The following FLT3 variants were observed in gnomAD, a reference collection of about 807,000 sequenced individuals.
FLT3 encodes fms related receptor tyrosine kinase 3, also known as receptor-type tyrosine-protein kinase FLT3.
Under a neutral mutation model 126.6 loss-of-function variants are expected in FLT3, and 46 were observed. That is an observed-to-expected ratio of 0.36 (90% CI 0.29 to 0.46). The LOEUF is 0.46. Ranked by LOEUF, FLT3 falls within the 20% of genes least tolerant of loss-of-function variation. FLT3 has a pLI of 1.00. For synonymous variants in FLT3, 404 were observed against 434.4 expected, an observed-to-expected ratio of 0.93 and a Z score of 0.87; for missense variants, 1,069 against 1,190.3, an observed-to-expected ratio of 0.90 and a Z score of 1.50.
intron 1 of FLT3, among the ~76,000 whole-genome samples, chr13:28,075,242 G>A (rs1349586929): frequency 6.6e-6 from 1 of 152,076 alleles, no homozygotes; most frequent in Non-Finnish European, 1.5e-5. Flanking sequence ...GATTAGTGAT[G>A]TTGAACATTT....
intron 19 of FLT3, among the ~76,000 whole-genome samples, chr13:28,020,885 G>A (rs1011189589): frequency 6.6e-6 from 1 of 152,066 alleles, no homozygotes; most frequent in Non-Finnish European, 1.5e-5. Context: ...ACAGTGACAC[G>A]CATGATTCAA....
intron 10 of FLT3, among the ~76,000 whole-genome samples, chr13:28,036,730 C>T (rs1384348135): frequency 2.0e-5 from 3 of 152,300 alleles, no homozygotes; most frequent in Admixed American, 1.3e-4. Flanking sequence ...GTAATCCTAG[C>T]ACTTTGGGAG....
At chr13:28,068,332 G>A (rs1877209600) in intron 2 of FLT3, 1 of 152,268 alleles carries the variant, frequency 6.6e-6, no homozygotes, top group African/African-American at 2.4e-5. Context: ...AATAGTTGGT[G>A]ATATGGTTTG....
chr13:28,053,152 T>C (rs1172705338), intron 4 of FLT3, among the ~76,000 whole-genome samples: 1 of 133,652 alleles, frequency 7.5e-6, no homozygotes, highest in Non-Finnish European at 1.6e-5. Flanking sequence ...GAGGTTTAGT[T>C]GAGCCTCCCA....
At chr13:28,073,373 T>G (rs1877700042) in intron 1 of FLT3, 1 of 418,682 alleles carries the variant, frequency 2.4e-6, no homozygotes, top group Non-Finnish European at 4.7e-6. Context: ...AAAAAAAGCA[T>G]TTTTTACTGT....
At chr13:28,015,014 A>C in intron 22 of FLT3, 143 bp downstream of exon 22, 1 of 609,018 alleles carries the variant, frequency 1.6e-6, no homozygotes, top group Non-Finnish European at 2.9e-6. Context: ...TGGCCAACAC[A>C]GCAAGACCTC....
intron 9 of FLT3, 48 bp downstream of exon 9, chr13:28,048,227 A>C: frequency 4.2e-5 from 61 of 1,466,072 alleles, no homozygotes; most frequent in Non-Finnish European, 5.4e-5. Context: ...GCGACAAGCA[A>C]GGAGAATTAT....
intron 9 of FLT3, among the ~76,000 whole-genome samples, chr13:28,045,198 C>T (rs1347871333): frequency 6.6e-6 from 1 of 152,144 alleles, no homozygotes; most frequent in Non-Finnish European, 1.5e-5. Flanking sequence ...GTGACATGGT[C>T]CCCAACTGGC....
At position 28,015,649 on chromosome 13, in the gene FLT3, T is replaced by A. The variant is rs759638195; in HGVS notation, c.2594A>T (p.Tyr865Phe). The A allele has an allele frequency of 1.9e-6, 3 of 1,613,670 alleles. No individual in the cohort carries two copies. In the South Asian group the frequency reaches 3.3e-5, roughly 18 times the overall value. ...TGACCAGACATCACTCTTAATGGTG[T>A]AGATGCCTTCAAACAGGCTTTCGGG... Reference protein sequence around the residue: ...MAPESLFEGIYTIKSDVWSYG... With the variant: ...MAPESLFEGIFTIKSDVWSYG... Residue 865 changes from tyrosine to phenylalanine, a missense_variant, in exon 21 of 24, where the codon TAC becomes TTC. Physicochemically the swap from Tyr to Phe is conservative, Grantham distance 22. Coordinates refer to ENST00000241453, the MANE Select transcript of FLT3 (RefSeq NM_004119.3).
At chr13:28,011,707 T>TCCCTCCTCCTTCCTTCC (rs1395154262) in intron 23 of FLT3, among the ~76,000 whole-genome samples, 6 of 53,214 alleles carry the variant, frequency 1.1e-4, no homozygotes, top group Middle Eastern at 0.012. Flanking sequence ...TTCTTTCTCT[T>TCCCTCCTCCTTCCTTCC]TTTCTCTTTC....
At chr13:28,063,780 C>A (rs1484408188) in intron 2 of FLT3, among the ~76,000 whole-genome samples, 1 of 151,120 alleles carries the variant, frequency 6.6e-6, no homozygotes, top group Non-Finnish European at 1.5e-5. Context: ...GAGTTTGAGT[C>A]TCCTAGGAAT....
intron 16 of FLT3, among the ~76,000 whole-genome samples, chr13:28,027,675 TGCTGCAGAAAGAATGAAC>T (rs1566066251): frequency 1.3e-5 from 2 of 152,222 alleles, no homozygotes; most frequent in Non-Finnish European, 2.9e-5. Context: ...CCAGGCCTGC[TGCTGCAGAAAGAATGAAC>T]CTTGGGCACA....
intron 9 of FLT3, among the ~76,000 whole-genome samples, chr13:28,038,109 C>T (rs2504234): frequency 0.73 from 110,464 of 152,120 alleles, 41,333 homozygotes; most frequent in East Asian, 0.87. Context: ...CAATGAACAA[C>T]GATGAGGGCT....
intron 1 of FLT3, among the ~76,000 whole-genome samples, chr13:28,085,003 A>C (rs1287509091): frequency 2.0e-5 from 3 of 147,396 alleles, no homozygotes; most frequent in Admixed American, 6.9e-5. Flanking sequence ...ATTCACTGAC[A>C]CTTGTTTTAT....
chr13:28,019,429 G>T (rs1872184385), intron 19 of FLT3, among the ~76,000 whole-genome samples: 1 of 152,092 alleles, frequency 6.6e-6, no homozygotes, highest in African/African-American at 2.4e-5. Flanking sequence ...TAATCAAAGG[G>T]GTCTGACAAG....
chr13:28,017,650 G>GTTT (rs796846844), intron 20 of FLT3, among the ~76,000 whole-genome samples: 1 of 144,596 alleles, frequency 6.9e-6, no homozygotes. Flanking sequence ...AATTCACACT[G>GTTT]TTTTTTTTGT....
At chr13:28,091,516 CG>C (rs1879102498) in intron 1 of FLT3, among the ~76,000 whole-genome samples, 1 of 151,958 alleles carries the variant, frequency 6.6e-6, no homozygotes, top group South Asian at 2.1e-4. Flanking sequence ...CCACCGCGCC[CG>C]GCCCCCCATT....
chr13:28,041,821 C>T (rs1014381153), intron 9 of FLT3, among the ~76,000 whole-genome samples: 5 of 152,116 alleles, frequency 3.3e-5, no homozygotes, highest in Non-Finnish European at 7.4e-5. Context: ...AACAATACCT[C>T]GGTGTCTAAG....
intron 3 of FLT3, among the ~76,000 whole-genome samples, chr13:28,060,215 T>A (rs61944747): frequency 0.013 from 1,694 of 133,764 alleles, 28 homozygotes; most frequent in Middle Eastern, 0.058. Flanking sequence ...GCCAACATGA[T>A]GAAACCCTGT....
Sources: gnomAD v4.1 joint callset for allele counts (sites outside exome capture counted in the v4.1 genomes callset) on GRCh38, gnomAD v4.1.1 for gene constraint, MANE v1.5 for transcripts, NCBI Gene and HGNC (gene_info 2026-07-23, HGNC 2026-07-21) for gene names.